Variants in OPCML observed in about 807,000 individuals in gnomAD.
The protein encoded by OPCML is opioid binding protein/cell adhesion molecule like.
In OPCML, 13 loss-of-function variants were observed where a neutral mutation model predicts 37.8. The ratio of observed to expected loss-of-function variants is 0.34; its 90% confidence interval spans 0.22 to 0.55. OPCML has a LOEUF of 0.55. Ranked by LOEUF, OPCML falls within the 20% of genes least tolerant of loss-of-function variation. The pLI is 0.91. For missense variants in OPCML, 341 were observed against 435.6 expected (o/e 0.78, Z 1.93); for synonymous variants, 176 against 168.8 (o/e 1.04, Z -0.33).
At position 132,436,546 on chromosome 11, in the gene OPCML, T is replaced by C; in HGVS notation, c.764+113A>G. ...GACTTTGTTACAAAAGAGGGCATAG[T>C]ATATTTCTGTTTTGCCTTATCTTTC... On this transcript the variant is annotated intron_variant, in intron 6 of 7. Coordinates refer to ENST00000524381, the MANE Select transcript of OPCML (RefSeq NM_001012393.5). 2.6e-6 allele frequency: 4 copies of C among 1,511,286 alleles called. No homozygotes were observed. The South Asian group carries it at 4.0e-5, about 15-fold the overall frequency. 93.6% of individuals were successfully genotyped at this position (1,511,286 alleles called of 1,614,324 possible).
intron 1 of OPCML, among the ~76,000 whole-genome samples, chr11:132,951,648 T>C (rs6590668): frequency 0.63 from 95,559 of 152,096 alleles, 30,592 homozygotes; most frequent in East Asian, 0.72. Context: ...TAGTTATTAC[T>C]GCCTACAGAA....
At chr11:132,585,236 A>G (rs1157953475) in intron 3 of OPCML, among the ~76,000 whole-genome samples, 1 of 152,122 alleles carries the variant, frequency 6.6e-6, no homozygotes, top group Admixed American at 6.5e-5. Flanking sequence ...CTCAAATTCT[A>G]CTGGGAAGTA....
intron 1 of OPCML, among the ~76,000 whole-genome samples, chr11:133,069,572 C>T (rs578076812): frequency 1.3e-5 from 2 of 152,116 alleles, no homozygotes; most frequent in Non-Finnish European, 2.9e-5. Flanking sequence ...GTGTGTGCGA[C>T]TACACAAATG....
intron 1 of OPCML, among the ~76,000 whole-genome samples, chr11:133,496,439 G>C (rs1444643448): frequency 6.6e-6 from 1 of 152,044 alleles, no homozygotes; most frequent in Non-Finnish European, 1.5e-5. Context: ...CTGTGAAGAA[G>C]GATGGTGGTA....
intron 1 of OPCML, among the ~76,000 whole-genome samples, chr11:133,109,209 G>A (rs1303057606): frequency 6.6e-6 from 1 of 152,162 alleles, no homozygotes; most frequent in African/African-American, 2.4e-5. Flanking sequence ...CAACAATGAA[G>A]CCACGGAACT....
chr11:132,666,947 G>T (rs561835867), intron 2 of OPCML, among the ~76,000 whole-genome samples: 23 of 152,204 alleles, frequency 1.5e-4, no homozygotes, highest in Admixed American at 1.3e-4. Context: ...AAAGAATAGT[G>T]AAGGGACCAT....
At chr11:133,010,436 A>G (rs761000052) in intron 1 of OPCML, among the ~76,000 whole-genome samples, 3 of 152,264 alleles carry the variant, frequency 2.0e-5, no homozygotes, top group Non-Finnish European at 2.9e-5. Flanking sequence ...GAGGTGGAAG[A>G]GTCTTCAGAT....
At chr11:132,561,528 T>G (rs1023759377) in intron 3 of OPCML, among the ~76,000 whole-genome samples, 16 of 152,328 alleles carry the variant, frequency 1.1e-4, no homozygotes, top group East Asian at 7.7e-4. Context: ...CAGGGCCTGG[T>G]CCAGGGCCTG....
chr11:133,233,055 A>T (rs1158555860), intron 1 of OPCML, among the ~76,000 whole-genome samples: 1 of 152,186 alleles, frequency 6.6e-6, no homozygotes, highest in Admixed American at 6.5e-5. Flanking sequence ...TTGGTTTTGC[A>T]GACATCAGTG....
At chr11:132,834,623 T>C (rs1381576823) in intron 2 of OPCML, among the ~76,000 whole-genome samples, 2 of 152,224 alleles carry the variant, frequency 1.3e-5, no homozygotes, top group Non-Finnish European at 2.9e-5. Flanking sequence ...TGAGTCTGTG[T>C]CTTCACATGA....
chr11:132,970,913 G>A (rs1215306810), intron 1 of OPCML, among the ~76,000 whole-genome samples: 1 of 152,098 alleles, frequency 6.6e-6, no homozygotes, highest in East Asian at 1.9e-4. Context: ...CCTACCTTAT[G>A]TTCTCTATTC....
Position 133,254,619 on chromosome 11 carries a change from A to G in OPCML, c.61+277645T>C, listed in dbSNP as rs144205244. On this transcript the variant is annotated intron_variant, in intron 1 of 7. Transcript: ENST00000524381. ...CTGAGCAGACAAGACTGGGAGGAGG[A>G]GATGGCTATAGCAGATGTCTTTGTA... Among the ~76,000 whole-genome samples the G allele has an allele frequency of 8.7e-3, 1,318 of 152,288 alleles. 22 individuals are homozygous for G. Among genetic ancestry groups the G allele is most frequent in the African/African-American group, 0.029 (1,198 of 41,568 alleles).
At chr11:133,390,956 G>C (rs1430517927) in intron 1 of OPCML, among the ~76,000 whole-genome samples, 1 of 152,142 alleles carries the variant, frequency 6.6e-6, no homozygotes, top group African/African-American at 2.4e-5. Context: ...TATAAATCTT[G>C]CCCGATGCTT....
At chr11:133,121,524 C>A (rs1430498215) in intron 1 of OPCML, among the ~76,000 whole-genome samples, 2 of 152,142 alleles carry the variant, frequency 1.3e-5, no homozygotes. Context: ...GCTCTTGACA[C>A]AGATTAGAAG....
At chr11:132,839,118 C>T (rs951864367) in intron 2 of OPCML, among the ~76,000 whole-genome samples, 4 of 152,226 alleles carry the variant, frequency 2.6e-5, no homozygotes, top group African/African-American at 9.6e-5. Flanking sequence ...ACAGAGGAGA[C>T]ATCCACTTGT....
In OPCML at chr11:133,458,621, A is replaced by ACACGTGTGTGTGTACACATAGATG. The variant is rs1946769682; in HGVS notation, c.61+73642_61+73643insCATCTATGTGTACACACACACGTG. 2.1e-5 allele frequency among the ~76,000 whole-genome samples: 2 copies of ACACGTGTGTGTGTACACATAGATG among 96,860 alleles called. 1 individual carries two copies. The highest frequency in any genetic ancestry group is 2.1e-4 in the African/African-American group (2 of 9,506). The allele number at this position is 96,860 out of a possible 152,430, so 63.5% of individuals were successfully genotyped here. A position where few individuals can be genotyped will look rare whatever the true frequency, so the allele number is the denominator to read the frequency against. On this transcript the variant is annotated intron_variant, in intron 1 of 7. Transcript: ENST00000524381. The stretch of plus-strand genomic sequence containing the variant: ...CGTGTGTGTGTGTATACACATATAT[A>ACACGTGTGTGTGTACACATAGATG]CACGTGTGTGTGTATATACACATAG...
chr11:133,440,706 A>G (rs1180053298), intron 1 of OPCML, among the ~76,000 whole-genome samples: 2 of 147,934 alleles, frequency 1.4e-5, no homozygotes, highest in East Asian at 3.9e-4. Flanking sequence ...CAGCCTGGCA[A>G]CAAGAACGAA....
At chr11:133,287,935 C>G (rs962230357) in intron 1 of OPCML, among the ~76,000 whole-genome samples, 1 of 152,170 alleles carries the variant, frequency 6.6e-6, no homozygotes, top group Non-Finnish European at 1.5e-5. Context: ...TCCCGCACCA[C>G]GGCAGTCTTC....
chr11:133,008,244 A>T (rs1028441715), intron 1 of OPCML: 1 of 985,446 alleles, frequency 1.0e-6, no homozygotes, highest in Non-Finnish European at 1.2e-6. Flanking sequence ...CTTGTGACTT[A>T]GTAGAGCAAG....
Sources: allele counts gnomAD v4.1 joint callset (sites outside exome capture counted in the v4.1 genomes callset), GRCh38; gene constraint gnomAD v4.1.1; transcripts MANE v1.5; gene names NCBI Gene and HGNC (gene_info 2026-07-23, HGNC 2026-07-21).